The following PTN variants were observed in gnomAD, a reference collection of about 807,000 sequenced individuals.
PTN encodes the protein pleiotrophin, also known as heparin affin regulatory protein.
In PTN, 18 loss-of-function variants were observed where a neutral mutation model predicts 24.1. That is an observed-to-expected ratio of 0.75 (90% confidence interval 0.52 to 1.11). The LOEUF (loss-of-function observed/expected upper bound fraction) is 1.11, where lower values mean the gene tolerates loss of function less well. Among genes scored for constraint, PTN ranks in the 50% least tolerant of loss-of-function variants. PTN has a pLI of 0.00. For synonymous variants in PTN, 78 were observed against 68.6 expected (o/e 1.14, Z -0.67); for missense variants, 163 against 198.8 (o/e 0.82, Z 1.08).
rs997963380 is a variant in PTN, at chr7:137,301,029, G to A, written c.-2+42410C>T. ...AACAGCCTCTTAAAGGATAGTTTGGGTAATTACAAAGAAGTCAGGCCTAGG... is the reference window on the plus strand; with the variant it reads ...AACAGCCTCTTAAAGGATAGTTTGGATAATTACAAAGAAGTCAGGCCTAGG... On this transcript the variant is annotated intron_variant, in intron 1 of 4. Transcript: ENST00000348225. 4.0e-5 allele frequency among the ~76,000 whole-genome samples: 6 copies of A among 150,310 alleles called. No individual in the cohort carries two copies. In the Admixed American group the frequency reaches 4.0e-4, roughly 10 times the overall value.
intron 1 of PTN, among the ~76,000 whole-genome samples, chr7:137,336,065 T>C (rs182160146): frequency 2.6e-5 from 4 of 152,004 alleles, no homozygotes; most frequent in African/African-American, 7.2e-5. Context: ...AAAATGACAA[T>C]GACAATAGCA....
intron 1 of PTN, among the ~76,000 whole-genome samples, chr7:137,306,482 CA>C (rs1809890679): frequency 6.6e-6 from 1 of 152,022 alleles, no homozygotes. Context: ...TTATATAAAT[CA>C]AATGCCCTGG....
intron 1 of PTN, among the ~76,000 whole-genome samples, chr7:137,308,116 C>T (rs944948691): frequency 2.6e-5 from 4 of 152,084 alleles, no homozygotes; most frequent in Non-Finnish European, 5.9e-5. Context: ...TTTCTTACGG[C>T]GTGAATCTTT....
chr7:137,334,754 C>T (rs1349732703), intron 1 of PTN, among the ~76,000 whole-genome samples: 3 of 150,740 alleles, frequency 2.0e-5, no homozygotes, highest in African/African-American at 7.3e-5. Flanking sequence ...GTATGTTTAT[C>T]GCGGCACTAT....
At chr7:137,306,366 G>C (rs1465390542) in intron 1 of PTN, among the ~76,000 whole-genome samples, 1 of 152,050 alleles carries the variant, frequency 6.6e-6, no homozygotes, top group African/African-American at 2.4e-5. Flanking sequence ...ATGAGAATGA[G>C]AGTTGGGAGG....
In PTN at chr7:137,254,990, G is replaced by C; in HGVS notation, c.-1-16C>G. 1.3e-6 allele frequency: 2 copies of C among 1,497,702 alleles called. No homozygotes were observed. The highest frequency in any genetic ancestry group is 1.8e-4 in the Middle Eastern group (1 of 5,594). The allele number at this position is 1,497,702 out of a possible 1,614,324, so 92.8% of individuals were successfully genotyped here. A position where few individuals can be genotyped will look rare whatever the true frequency, so the allele number is the denominator to read the frequency against. On this transcript the variant is annotated splice_polypyrimidine_tract_variant and intron_variant, in intron 1 of 4. Coordinates refer to ENST00000348225, the MANE Select transcript of PTN (RefSeq NM_002825.7). ...AGCCTGCATTCTAGGAATAAACAGA[G>C]AAAGAGAAGAAGGTGGCATTAACCT...
At chr7:137,294,988 T>C (rs1436819429) in intron 1 of PTN, among the ~76,000 whole-genome samples, 1 of 152,146 alleles carries the variant, frequency 6.6e-6, no homozygotes, top group Non-Finnish European at 1.5e-5. Context: ...ATCTGGTGAC[T>C]TATGTTGATG....
intron 4 of PTN, among the ~76,000 whole-genome samples, chr7:137,246,110 G>C (rs1427152921): frequency 6.6e-6 from 1 of 152,084 alleles, no homozygotes; most frequent in Non-Finnish European, 1.5e-5. Context: ...TGTTCATTCA[G>C]TGACTCACCC....
At chr7:137,302,797 G>GAACATATA (rs1383246390) in intron 1 of PTN, among the ~76,000 whole-genome samples, 2 of 151,918 alleles carry the variant, frequency 1.3e-5, no homozygotes, top group Non-Finnish European at 2.9e-5. Context: ...GGAACATATA[G>GAACATATA]GATGTGCCAT....
chr7:137,336,785 T>C (rs987743583), intron 1 of PTN, among the ~76,000 whole-genome samples: 7 of 152,104 alleles, frequency 4.6e-5, no homozygotes, highest in African/African-American at 1.2e-4. Flanking sequence ...TTCACCATGA[T>C]CATCATTTTC....
chr7:137,329,680 C>T (rs1453285928), intron 1 of PTN, among the ~76,000 whole-genome samples: 1 of 152,158 alleles, frequency 6.6e-6, no homozygotes, highest in Non-Finnish European at 1.5e-5. Flanking sequence ...AAGGTCCAGA[C>T]ATGGGACAAG....
chr7:137,293,889 G>GA lies in PTN; in HGVS notation c.-1-38916dup, dbSNP rs567738837. ...ATCCACCATTATAGCCTCATACAGA[G>GA]ATGTTCCACTGCCCTAAAGACTGTC... On this transcript the variant is annotated intron_variant, in intron 1 of 4. Transcript: ENST00000348225. Among the ~76,000 whole-genome samples the GA allele has an allele frequency of 6.6e-5, 10 of 152,150 alleles. No individual in the cohort carries two copies. In the South Asian group the frequency reaches 2.1e-3, roughly 32 times the overall value.
intron 4 of PTN, among the ~76,000 whole-genome samples, chr7:137,231,944 G>T (rs1220941599): frequency 6.6e-6 from 1 of 151,886 alleles, no homozygotes; most frequent in Non-Finnish European, 1.5e-5. Flanking sequence ...TGAGATGTGG[G>T]TCACAAATTA....
intron 1 of PTN, among the ~76,000 whole-genome samples, chr7:137,263,108 T>A (rs1809071875): frequency 6.6e-6 from 1 of 152,234 alleles, no homozygotes; most frequent in Non-Finnish European, 1.5e-5. Context: ...AGTACACTTG[T>A]GCTGAAGCAT....
chr7:137,298,345 G>C (rs1809752214), intron 1 of PTN, among the ~76,000 whole-genome samples: 2 of 151,860 alleles, frequency 1.3e-5, no homozygotes. Context: ...CTGAGTTTCT[G>C]ATTAAATATT....
chr7:137,308,808 G>T (rs917092685), intron 1 of PTN, among the ~76,000 whole-genome samples: 4 of 152,156 alleles, frequency 2.6e-5, no homozygotes, highest in African/African-American at 4.8e-5. Flanking sequence ...GGGACAGGAA[G>T]ATTTGAATCA....
chr7:137,241,126 C>T (rs1808621158), intron 4 of PTN, among the ~76,000 whole-genome samples: 1 of 152,138 alleles, frequency 6.6e-6, no homozygotes, highest in Non-Finnish European at 1.5e-5. Context: ...AAACCATCAA[C>T]TCTCGTGAGA....
chr7:137,278,033 C>T (rs917420485), intron 1 of PTN, among the ~76,000 whole-genome samples: 1 of 151,926 alleles, frequency 6.6e-6, no homozygotes. Flanking sequence ...CTGGGCCGGG[C>T]GCGGTGGCTC....
intron 1 of PTN, among the ~76,000 whole-genome samples, chr7:137,331,021 G>A (rs1214181684): frequency 6.6e-6 from 1 of 152,138 alleles, no homozygotes; most frequent in Non-Finnish European, 1.5e-5. Context: ...CAGGAATGGG[G>A]CTTCTATCTA....
Sources: allele counts gnomAD v4.1 joint callset (sites outside exome capture counted in the v4.1 genomes callset), GRCh38; gene constraint gnomAD v4.1.1; transcripts MANE v1.5; gene names NCBI Gene and HGNC (gene_info 2026-07-23, HGNC 2026-07-21).